CLINT1: variants seen among roughly 807,000 people sequenced by gnomAD.
CLINT1 encodes clathrin interacting protein localized in the trans-Golgi region.
CLINT1 carries 15 observed loss-of-function variants against 70.4 expected under a neutral mutation model. The observed-to-expected ratio is 0.21, with a 90% CI of 0.14 to 0.33. CLINT1 has a LOEUF of 0.33. Ranked by LOEUF, CLINT1 falls within the 10% of genes least tolerant of loss-of-function variation. The pLI is 1.00. For synonymous variants in CLINT1, 227 were observed against 254.7 expected, an observed-to-expected ratio of 0.89 and a Z score of 1.04; for missense variants, 615 against 778.1, an observed-to-expected ratio of 0.79 and a Z score of 2.49.
At chr5:157,822,770 C>T (rs3777065) in intron 1 of CLINT1, among the ~76,000 whole-genome samples, 2 of 152,256 alleles carry the variant, frequency 1.3e-5, no homozygotes, top group East Asian at 3.9e-4. Flanking sequence ...TACTTACAGG[C>T]AGTCAATACT....
chr5:157,835,527 C>G (rs2113281240), intron 1 of CLINT1, among the ~76,000 whole-genome samples: 1 of 152,106 alleles, frequency 6.6e-6, no homozygotes, highest in South Asian at 2.1e-4. Context: ...TACACTATAT[C>G]TTATGCAGTT....
intron 7 of CLINT1, among the ~76,000 whole-genome samples, chr5:157,805,567 G>A (rs1762360469): frequency 1.3e-5 from 2 of 152,048 alleles, no homozygotes; most frequent in Admixed American, 1.3e-4. Context: ...TCTACTTGTG[G>A]TTGGTAACCA....
intron 1 of CLINT1, among the ~76,000 whole-genome samples, chr5:157,817,914 G>A (rs1023086670): frequency 6.6e-6 from 1 of 152,120 alleles, no homozygotes; most frequent in Non-Finnish European, 1.5e-5. Flanking sequence ...TGGTTTACAT[G>A]CAATGCAGGC....
intron 1 of CLINT1, among the ~76,000 whole-genome samples, chr5:157,830,759 T>TCTCC (rs1426030687): frequency 6.3e-5 from 3 of 47,554 alleles, no homozygotes; most frequent in African/African-American, 2.6e-4. Flanking sequence ...TCTCTCTCCC[T>TCTCC]CTCTCTCTCT....
At chr5:157,847,466 G>A (rs1368392250) in intron 1 of CLINT1, among the ~76,000 whole-genome samples, 2 of 151,792 alleles carry the variant, frequency 1.3e-5, no homozygotes, top group African/African-American at 4.8e-5. Flanking sequence ...AGCCGAGATC[G>A]TGCCACTACA....
At chr5:157,829,600 G>A (rs1763156259) in intron 1 of CLINT1, among the ~76,000 whole-genome samples, 8 of 150,912 alleles carry the variant, frequency 5.3e-5, no homozygotes, top group Admixed American at 5.3e-4. Context: ...TCAGCTCACT[G>A]CAGCCTCAAC....
chr5:157,831,018 T>TTGAACCTGGGAGGTGG (rs1763225653), intron 1 of CLINT1, among the ~76,000 whole-genome samples: 1 of 151,036 alleles, frequency 6.6e-6, no homozygotes, highest in Non-Finnish European at 1.5e-5. Flanking sequence ...CACTCCAGAC[T>TTGAACCTGGGAGGTGG]AGATGACAGA....
chr5:157,845,959 T>C (rs1238642094), intron 1 of CLINT1, among the ~76,000 whole-genome samples: 1 of 152,220 alleles, frequency 6.6e-6, no homozygotes, highest in African/African-American at 2.4e-5. Context: ...TGTTTGGGGA[T>C]AGCATGAACC....
intron 6 of CLINT1, 129 bp from the exon 7 acceptor site, chr5:157,806,241 G>T: frequency 1.1e-6 from 1 of 872,364 alleles, no homozygotes; most frequent in Non-Finnish European, 1.7e-6. Context: ...ACTTGACAGG[G>T]ATCAACAGAA....
chr5:157,810,901 T>C (rs534708395), intron 5 of CLINT1, among the ~76,000 whole-genome samples: 10 of 152,292 alleles, frequency 6.6e-5, no homozygotes, highest in African/African-American at 1.7e-4. Flanking sequence ...TTTTGCTGAA[T>C]TGCCTCCTAA....
chr5:157,854,586 T>A (rs778169634), intron 1 of CLINT1, among the ~76,000 whole-genome samples: 2 of 152,198 alleles, frequency 1.3e-5, no homozygotes, highest in Non-Finnish European at 2.9e-5. Context: ...ATAACAAATG[T>A]ATTGCCTGTT....
chr5:157,815,025 T>C (rs1241456074), intron 3 of CLINT1, among the ~76,000 whole-genome samples: 1 of 144,968 alleles, frequency 6.9e-6, no homozygotes, highest in Non-Finnish European at 1.5e-5. Flanking sequence ...AGAGAAACTC[T>C]GTCTCAAAAA....
At chr5:157,838,251 T>C (rs527642118) in intron 1 of CLINT1, among the ~76,000 whole-genome samples, 130 of 151,478 alleles carry the variant, frequency 8.6e-4, no homozygotes, top group African/African-American at 3.1e-3. Context: ...GTCTCCCAAA[T>C]AGCTGGGATT....
chr5:157,840,117 C>T (rs1195008397), intron 1 of CLINT1, among the ~76,000 whole-genome samples: 3 of 141,976 alleles, frequency 2.1e-5, no homozygotes, highest in Non-Finnish European at 4.5e-5. Flanking sequence ...ATAGCTTGAA[C>T]CCACAAGGCA....
Position 157,809,683 on chromosome 5 carries a change from C to T in CLINT1, c.640G>A (p.Asp214Asn), listed in dbSNP as rs932482029. ...TTCCTCCGGAACTTGCTGATGGTGT[C>T]ATCAATTGTGCTTCCAATTTTATCA... is the stretch of plus-strand genomic sequence containing the variant. Reference protein sequence around the residue: ...LSDKIGSTIDDTISKFRRKDR... With the variant: ...LSDKIGSTIDNTISKFRRKDR... The change falls in exon 6 of 12, where the codon GAC (aspartate) becomes AAC (asparagine). Residue 214 changes from aspartate (D) to asparagine (N), a missense_variant. Physicochemically the swap from Asp to Asn is conservative, Grantham distance 23. Transcript: ENST00000411809. 9.3e-6 allele frequency: 15 copies of T among 1,613,176 alleles called. No homozygotes were observed. Among genetic ancestry groups the T allele is most frequent in the Non-Finnish European group, 1.3e-5 (15 of 1,179,598 alleles).
chr5:157,837,435 C>G (rs905307985), intron 1 of CLINT1, among the ~76,000 whole-genome samples: 1 of 151,820 alleles, frequency 6.6e-6, no homozygotes, highest in East Asian at 1.9e-4. Context: ...CACACACACA[C>G]ACACATACTG....
Position 157,859,035 on chromosome 5 carries a change from C to T in CLINT1, c.-65G>A, listed in dbSNP as rs1753858697. 2 of 1,578,290 alleles carry T rather than the reference C, an allele frequency of 1.3e-6. No individual in the cohort carries two copies. The highest frequency in any genetic ancestry group is 1.4e-5 in the African/African-American group (1 of 73,680). On this transcript the variant is annotated 5_prime_UTR_variant, in exon 1 of 12. Transcript: ENST00000411809. ...CTCCCCACGGACCCCGGAACACTTC[C>T]GTACCGGGGCAGTTCCAGGCCGGGG...
chr5:157,826,063 G>C (rs1430641592), intron 1 of CLINT1, among the ~76,000 whole-genome samples: 1 of 152,148 alleles, frequency 6.6e-6, no homozygotes, highest in Non-Finnish European at 1.5e-5. Flanking sequence ...GTTTGAGGAA[G>C]AAGGGAGAGG....
intron 1 of CLINT1, among the ~76,000 whole-genome samples, chr5:157,827,240 A>G (rs1377413523): frequency 6.6e-6 from 1 of 152,216 alleles, no homozygotes; most frequent in Non-Finnish European, 1.5e-5. Context: ...TCAACACTCC[A>G]AGTTTAGTTT....
Sources: gnomAD v4.1 joint callset for allele counts (sites outside exome capture counted in the v4.1 genomes callset) on GRCh38, gnomAD v4.1.1 for gene constraint, MANE v1.5 for transcripts, NCBI Gene and HGNC (gene_info 2026-07-23, HGNC 2026-07-21) for gene names.